The following AK8 variants were observed in gnomAD, a reference collection of about 807,000 sequenced individuals.
AK8 encodes ATP-AMP transphosphorylase 8.
In AK8, 44 loss-of-function variants were observed where a neutral mutation model predicts 54.6. That is an observed-to-expected ratio of 0.81 (90% CI 0.63 to 1.04). The LOEUF (loss-of-function observed/expected upper bound fraction) is 1.04. Among genes scored for constraint, AK8 ranks in the 50% least tolerant of loss-of-function variants. AK8 has a pLI of 0.00. For synonymous variants in AK8, 239 were observed against 245.6 expected, an observed-to-expected ratio of 0.97 and a Z score of 0.25; for missense variants, 555 against 613.6, an observed-to-expected ratio of 0.90 and a Z score of 1.01.
chr9:132,797,995 G>A (rs1422599222), intron 10 of AK8, among the ~76,000 whole-genome samples: 2 of 152,216 alleles, frequency 1.3e-5, no homozygotes, highest in Admixed American at 6.5e-5. Flanking sequence ...ATAAGGAACA[G>A]CAACACATTT....
intron 2 of AK8, among the ~76,000 whole-genome samples, chr9:132,870,963 C>T (rs916305094): frequency 4.6e-5 from 7 of 152,168 alleles, no homozygotes; most frequent in African/African-American, 1.2e-4. Flanking sequence ...TTCACCTAGG[C>T]GGCCGGGTAT....
chr9:132,812,288 T>C (rs747939371), intron 10 of AK8, among the ~76,000 whole-genome samples: 2 of 142,922 alleles, frequency 1.4e-5, no homozygotes, highest in Non-Finnish European at 3.0e-5. Context: ...GGCAAGAGTG[T>C]GGTGCAATCT....
Position 132,770,731 on chromosome 9 carries a change from G to A in AK8, c.1121+21903C>T, listed in dbSNP as rs546652165. ...GCCCCTTCAAGGGGAGCCCTGGGGC[G>A]CAGTGTGGGGCGGTCTTGCTCCCTG... On this transcript the variant is annotated intron_variant, in intron 11 of 12. Transcript: ENST00000298545. The surrounding 1 kb of genome is among the most constrained non-coding windows in gnomAD (Gnocchi z 4.3). 1.3e-5 allele frequency among the ~76,000 whole-genome samples: 2 copies of A among 152,164 alleles called. No homozygotes were observed. The highest frequency in any genetic ancestry group is 2.4e-5 in the African/African-American group (1 of 41,446).
In AK8 at chr9:132,791,422, C is replaced by T. The variant is rs1266896157; in HGVS notation, c.1121+1212G>A. On this transcript the variant is annotated intron_variant, in intron 11 of 12. Coordinates refer to ENST00000298545, the MANE Select transcript of AK8 (RefSeq NM_152572.3). The surrounding 1 kb of genome is among the most constrained non-coding windows in gnomAD (Gnocchi z 4.0). ...GTGGGAACACAGAGCCAAACCATAT[C>T]ACAGATCAATTTGAAAATCTAAGGC... 2.6e-5 allele frequency among the ~76,000 whole-genome samples: 4 copies of T among 152,156 alleles called. No homozygotes were observed. Among genetic ancestry groups the T allele is most frequent in the African/African-American group, 7.2e-5 (3 of 41,428 alleles).
At chr9:132,878,328 G>C, upstream of AK8, 1 of 1,300,882 alleles carries the variant, frequency 7.7e-7, no homozygotes, top group Non-Finnish European at 9.8e-7. The surrounding 1 kb of genome is among the most constrained non-coding windows in gnomAD (Gnocchi z 4.7). Flanking sequence ...TCATCAGCAC[G>C]CGCCGCGGCC....
At chr9:132,856,124 T>A (rs549131156) in intron 4 of AK8, among the ~76,000 whole-genome samples, 1 of 152,336 alleles carries the variant, frequency 6.6e-6, no homozygotes, top group South Asian at 2.1e-4. Context: ...GTGCCTTTCC[T>A]TGTAGTGCAC....
chr9:132,749,673 G>A lies in AK8; in HGVS notation c.1122-22139C>T, dbSNP rs114484202. On this transcript the variant is annotated intron_variant, in intron 11 of 12. Coordinates refer to ENST00000298545, the MANE Select transcript of AK8 (RefSeq NM_152572.3). The stretch of plus-strand genomic sequence containing the variant: ...GCTGTGTTGCTGTTTCCCAAATGCA[G>A]GAAGTCTCTTAAGTGCTTCATTTAC... Among the ~76,000 whole-genome samples, 199 of 151,944 alleles carry A rather than the reference G, an allele frequency of 1.3e-3. 1 individual carries two copies. Among genetic ancestry groups the A allele is most frequent in the African/African-American group, 4.6e-3 (190 of 41,514 alleles).
intron 11 of AK8, among the ~76,000 whole-genome samples, chr9:132,760,135 T>C (rs1838383418): frequency 6.6e-6 from 1 of 152,154 alleles, no homozygotes; most frequent in African/African-American, 2.4e-5. Flanking sequence ...GGCTTATACA[T>C]CTTTCATTGT....
intron 9 of AK8, among the ~76,000 whole-genome samples, chr9:132,818,878 T>C (rs974674995): frequency 6.6e-6 from 1 of 151,424 alleles, no homozygotes; most frequent in Non-Finnish European, 1.5e-5. Context: ...CCCAACTATA[T>C]GCTGTTTACA....
At chr9:132,869,157 G>A (rs1244696515) in intron 2 of AK8, among the ~76,000 whole-genome samples, 2 of 152,182 alleles carry the variant, frequency 1.3e-5, no homozygotes, top group African/African-American at 2.4e-5. Flanking sequence ...TCTAGCCTGG[G>A]CAACAGAGCA....
chr9:132,819,964 G>C (rs575782684), intron 9 of AK8, among the ~76,000 whole-genome samples: 2 of 151,850 alleles, frequency 1.3e-5, no homozygotes, highest in Admixed American at 1.3e-4. Flanking sequence ...TTTGAGACCA[G>C]ACTGGGCAAC....
intron 4 of AK8, 81 bp from the exon 5 acceptor site, chr9:132,855,006 C>A: frequency 1.4e-6 from 2 of 1,463,254 alleles, no homozygotes; most frequent in South Asian, 2.3e-5. Flanking sequence ...ACACCCTTCA[C>A]CAACGCCCTG....
chr9:132,727,768 T>A (rs1417071823), intron 11 of AK8, among the ~76,000 whole-genome samples: 1 of 151,976 alleles, frequency 6.6e-6, no homozygotes, highest in African/African-American at 2.4e-5. Context: ...CAAACCAATA[T>A]TCTTCCTGCC....
At chr9:132,797,314 G>A (rs1160860283) in intron 10 of AK8, among the ~76,000 whole-genome samples, 2 of 152,012 alleles carry the variant, frequency 1.3e-5, no homozygotes, top group African/African-American at 2.4e-5. Context: ...GGAAGGAAGG[G>A]AGGGAGGGAA....
intron 3 of AK8, among the ~76,000 whole-genome samples, chr9:132,864,669 A>G (rs1020782637): frequency 6.6e-6 from 1 of 152,096 alleles, no homozygotes; most frequent in African/African-American, 2.4e-5. Flanking sequence ...ACAGCAATTC[A>G]CCAAAAGGCT....
chr9:132,870,924 G>A (rs564552835), intron 2 of AK8, among the ~76,000 whole-genome samples: 1 of 152,362 alleles, frequency 6.6e-6, no homozygotes, highest in Admixed American at 6.5e-5. Context: ...GGGCTTAGCT[G>A]ATTCGAGGCT....
rs141905508 is a variant in AK8, at chr9:132,792,767, T to C, written c.988A>G (p.Ser330Gly). Reference protein sequence around the residue: ...FFEKEMAVPDSLLMKVLSQRL... With the variant: ...FFEKEMAVPDGLLMKVLSQRL... ...TGGCTCAGCACCTTCATGAGGAGGC[T>C]GTCAGGAACTGCAGAGAAGGGGGGC... Residue 330 changes from serine to glycine, a missense_variant, in exon 11 of 13, where the codon AGC (serine) becomes GGC (glycine). Transcript: ENST00000298545. 5.3e-5 allele frequency: 82 copies of C among 1,559,422 alleles called. No homozygotes were observed. The highest frequency in any genetic ancestry group is 6.9e-5 in the Non-Finnish European group (80 of 1,151,674).
chr9:132,735,132 A>G (rs1043190989), intron 11 of AK8, among the ~76,000 whole-genome samples: 1 of 152,184 alleles, frequency 6.6e-6, no homozygotes, highest in African/African-American at 2.4e-5. Flanking sequence ...TGGGTCCCAG[A>G]GAGCTGAGGG....
intron 11 of AK8, among the ~76,000 whole-genome samples, chr9:132,738,867 A>C (rs984180206): frequency 6.8e-6 from 1 of 146,842 alleles, no homozygotes; most frequent in African/African-American, 2.5e-5. Flanking sequence ...TGATCCTTCC[A>C]TTTCAGTCCC....
Sources: gnomAD v4.1 joint callset for allele counts (sites outside exome capture counted in the v4.1 genomes callset) on GRCh38, gnomAD v4.1.1 for gene constraint, Gnocchi (gnomAD v3.1) non-coding constraint, MANE v1.5 for transcripts, NCBI Gene and HGNC (gene_info 2026-07-23, HGNC 2026-07-21) for gene names.